Variants in PIEZO2 observed in about 807,000 individuals in gnomAD.
The protein encoded by PIEZO2 is piezo-type mechanosensitive ion channel component 2.
Under a neutral mutation model 337.3 loss-of-function variants are expected in PIEZO2, and 172 were observed. The observed-to-expected ratio is 0.51, with a 90% CI of 0.45 to 0.58. PIEZO2 has a LOEUF of 0.58. Among genes scored for constraint, PIEZO2 ranks in the 20% least tolerant of loss-of-function variants. The probability of loss-of-function intolerance (pLI) is 0.00; values close to 1 mark genes in which losing one functional copy is unlikely to be tolerated. For synonymous variants in PIEZO2, 1,251 were observed against 1,228.5 expected (o/e 1.02, Z -0.38); for missense variants, 3,028 against 3,391.3 (o/e 0.89, Z 2.66).
In PIEZO2 at chr18:10,871,290, G is replaced by A; in HGVS notation, c.455C>T (p.Ala152Val). The change falls in exon 5 of 56, where the codon GCA becomes GTA. Residue 152 changes from alanine to valine, a missense_variant. This residue lies in a region of PIEZO2 where 542 missense variants were observed against 605.6 expected (regional missense o/e 0.89). Coordinates refer to ENST00000674853, the MANE Select transcript of PIEZO2 (RefSeq NM_001378183.1). The stretch of plus-strand genomic sequence containing the variant: ...TTCAAACTCCGGGTTACTCTGTGCT[G>A]CTTCGTCTGTCACAGGTTTCTGAAC... ...NIVQKPVTDE[A>V]AQSNPEFENE... 1 of 1,537,128 alleles carries A rather than the reference G, an allele frequency of 6.5e-7. No individual in the cohort carries two copies. Among genetic ancestry groups the A allele is most frequent in the Non-Finnish European group, 8.7e-7 (1 of 1,146,850 alleles).
At chr18:10,926,498 C>T (rs1364318187) in intron 3 of PIEZO2, among the ~76,000 whole-genome samples, 1 of 152,156 alleles carries the variant, frequency 6.6e-6, no homozygotes, top group South Asian at 2.1e-4. Flanking sequence ...CTATGAAAAT[C>T]TGGGCCCAAT....
chr18:10,704,136 T>A (rs2035461923), intron 42 of PIEZO2, among the ~76,000 whole-genome samples: 1 of 152,190 alleles, frequency 6.6e-6, no homozygotes, highest in African/African-American at 2.4e-5. Context: ...TGTGTCCTTA[T>A]CTGTTAAATG....
chr18:10,763,660 C>T (rs900766369), intron 21 of PIEZO2, among the ~76,000 whole-genome samples: 9 of 152,100 alleles, frequency 5.9e-5, no homozygotes, highest in Admixed American at 3.3e-4. Flanking sequence ...TGCTATGGCA[C>T]GGGAGCCCAT....
At chr18:11,051,360 T>TGTGTGTGTGTGG (rs2037524395) in intron 2 of PIEZO2, among the ~76,000 whole-genome samples, 1 of 151,342 alleles carries the variant, frequency 6.6e-6, no homozygotes. Context: ...TGTGTGTGTG[T>TGTGTGTGTGTGG]GTGTGTGTGG....
intron 3 of PIEZO2, among the ~76,000 whole-genome samples, chr18:10,916,986 T>A (rs565895151): frequency 1.3e-5 from 2 of 152,314 alleles, no homozygotes; most frequent in East Asian, 3.9e-4. Flanking sequence ...TCTGGAAGCC[T>A]GTGAATGCCT....
intron 3 of PIEZO2, among the ~76,000 whole-genome samples, chr18:10,961,892 A>T (rs544624654): frequency 6.5e-4 from 99 of 152,312 alleles, no homozygotes; most frequent in African/African-American, 2.3e-3. Context: ...AAAGAAATAG[A>T]CACAAGGACT....
chr18:10,788,361 A>T (rs186370497), intron 15 of PIEZO2, among the ~76,000 whole-genome samples: 205 of 151,080 alleles, frequency 1.4e-3, no homozygotes, highest in African/African-American at 4.8e-3. Context: ...ATGAGCAGAG[A>T]TCACGCCACT....
At chr18:10,800,536 A>G (rs1375924508) in intron 10 of PIEZO2, 61 bp from the exon 11 acceptor site, 1 of 1,463,434 alleles carries the variant, frequency 6.8e-7, no homozygotes, top group Non-Finnish European at 9.0e-7. Flanking sequence ...CAATGCAGAC[A>G]TACCCCCACT....
At chr18:10,730,871 C>T (rs921933281) in intron 36 of PIEZO2, among the ~76,000 whole-genome samples, 1 of 152,070 alleles carries the variant, frequency 6.6e-6, no homozygotes, top group Non-Finnish European at 1.5e-5. Context: ...GGACTACAGG[C>T]GTCCGCTACC....
chr18:10,792,049 T>C (rs2039426672), intron 13 of PIEZO2, among the ~76,000 whole-genome samples: 1 of 152,146 alleles, frequency 6.6e-6, no homozygotes, highest in Non-Finnish European at 1.5e-5. Flanking sequence ...TGGATTCAAG[T>C]GGTTCTCCTG....
intron 1 of PIEZO2, among the ~76,000 whole-genome samples, chr18:11,090,665 C>T (rs1216038788): frequency 6.6e-6 from 1 of 152,096 alleles, no homozygotes; most frequent in African/African-American, 2.4e-5. Context: ...AACACATCCC[C>T]CACTTCCTTT....
In PIEZO2 at chr18:11,001,893, G is replaced by C. The variant is rs977554463; in HGVS notation, c.161-22233C>G. On this transcript the variant is annotated intron_variant, in intron 2 of 55. Transcript: ENST00000674853. The surrounding 1 kb of genome is among the most constrained non-coding windows in gnomAD (Gnocchi z 5.3). ...ATTCAAAAAAGAAAAAGGAGAAAAA[G>C]GGAAGGAAGGAAGAAGGAAGGAAGG... Among the ~76,000 whole-genome samples, 11 of 109,800 alleles carry C rather than the reference G, an allele frequency of 1.0e-4. No homozygotes were observed. The highest frequency in any genetic ancestry group is 8.2e-4 in the Admixed American group (8 of 9,760). The allele number at this position is 109,800 out of a possible 152,430, so 72.0% of individuals were successfully genotyped here. A position where few individuals can be genotyped will look rare whatever the true frequency, so the allele number is the denominator to read the frequency against.
In PIEZO2 at chr18:10,853,938, T is replaced by C. The variant is rs2041628077; in HGVS notation, c.917+1415A>G. Among the ~76,000 whole-genome samples the C allele has an allele frequency of 6.6e-6, 1 of 152,154 alleles. No homozygotes were observed. Among genetic ancestry groups the C allele is most frequent in the South Asian group, 2.1e-4 (1 of 4,824 alleles). On this transcript the variant is annotated intron_variant, in intron 7 of 55. Transcript: ENST00000674853. The surrounding 1 kb of genome is among the most constrained non-coding windows in gnomAD (Gnocchi z 4.2). ...TTCTCCAATTTAACCCCAAAAAAGTTTTAAGAATTTGTTGTTGAACCAGGA... is the reference window on the plus strand; with the variant it reads ...TTCTCCAATTTAACCCCAAAAAAGTCTTAAGAATTTGTTGTTGAACCAGGA...
At chr18:10,692,115 T>C (rs2143637386) in intron 47 of PIEZO2, among the ~76,000 whole-genome samples, 1 of 152,182 alleles carries the variant, frequency 6.6e-6, no homozygotes, top group East Asian at 1.9e-4. Flanking sequence ...AGGTGAATAG[T>C]GAAGAGACAT....
At position 11,094,401 on chromosome 18, in the gene PIEZO2, C is replaced by A. The variant is rs989506347; in HGVS notation, c.65-28179G>T. On this transcript the variant is annotated intron_variant, in intron 1 of 55. Coordinates refer to ENST00000674853, the MANE Select transcript of PIEZO2 (RefSeq NM_001378183.1). This position sits in a 1 kb window ranked among gnomAD's most constrained non-coding sequence, Gnocchi z 4.4. ...AAACCAGGGCTTTGAGTCAAGTTAA[C>A]GACTTTTCCACCATTTTACAGCTGC... Among the ~76,000 whole-genome samples, 1 of 152,114 alleles carries A rather than the reference C, an allele frequency of 6.6e-6. No individual in the cohort carries two copies. The highest frequency in any genetic ancestry group is 2.1e-4 in the South Asian group (1 of 4,828).
intron 3 of PIEZO2, among the ~76,000 whole-genome samples, chr18:10,927,998 A>G (rs2031851852): frequency 6.6e-6 from 1 of 152,204 alleles, no homozygotes; most frequent in Non-Finnish European, 1.5e-5. Context: ...GGAAGATTCA[A>G]AATTTCACAA....
intron 16 of PIEZO2, 69 bp from the exon 17 acceptor site, chr18:10,785,026 A>G (rs1769182817): frequency 4.9e-6 from 7 of 1,426,914 alleles, no homozygotes; most frequent in Middle Eastern, 1.8e-4. Context: ...TCTTTGTGAT[A>G]AACTACATCA....
At chr18:10,857,252 C>G (rs531773105) in intron 5 of PIEZO2, 41 bp from the exon 6 acceptor site, 2 of 1,501,724 alleles carry the variant, frequency 1.3e-6, no homozygotes, top group South Asian at 1.2e-5. Context: ...GTCCAGGAGC[C>G]TGCCTATCCA....
Position 10,770,176 on chromosome 18 carries a change from G to C in PIEZO2, c.2918C>G (p.Ser973Cys). The C allele has an allele frequency of 6.5e-7, 1 of 1,537,210 alleles. No homozygotes were observed. Among genetic ancestry groups the C allele is most frequent in the Non-Finnish European group, 8.7e-7 (1 of 1,146,926 alleles). Residue 973 changes from serine to cysteine, a missense_variant, in exon 21 of 56, where the codon TCT (serine) becomes TGT (cysteine). Coordinates refer to ENST00000674853, the MANE Select transcript of PIEZO2 (RefSeq NM_001378183.1). Reference sequence around the variant, plus strand: ...TTTCACAGAAACCCAGATAATGTAAGAGGAAACGATTTTGATGATGTGCAA... The same window carrying C: ...TTTCACAGAAACCCAGATAATGTAACAGGAAACGATTTTGATGATGTGCAA... ...LELHIIKIVSSYIIWVSVKEV... is the reference protein window; with the variant it reads ...LELHIIKIVSCYIIWVSVKEV...
Sources: gnomAD v4.1 joint callset for allele counts (sites outside exome capture counted in the v4.1 genomes callset) on GRCh38, gnomAD v4.1.1 for gene constraint, gnomAD v4.1.1 regional missense constraint, Gnocchi (gnomAD v3.1) non-coding constraint, MANE v1.5 for transcripts, NCBI Gene and HGNC (gene_info 2026-07-23, HGNC 2026-07-21) for gene names.